The following ADGRL3 variants were observed in gnomAD, a reference collection of about 807,000 sequenced individuals.
The protein encoded by ADGRL3 is calcium-independent alpha-latrotoxin receptor 3.
In ADGRL3, 62 loss-of-function variants were observed where a neutral mutation model predicts 153.5. The ratio of observed to expected loss-of-function variants is 0.40; its 90% CI spans 0.33 to 0.50. ADGRL3 has a LOEUF of 0.50. ADGRL3 is among the 20% of genes least tolerant of loss of function. The pLI is 0.47. For missense variants in ADGRL3, 1,641 were observed against 1,859.4 expected (o/e 0.88, Z 2.16); for synonymous variants, 710 against 672.5 (o/e 1.06, Z -0.86).
At chr4:62,055,771 G>A (rs1296134824) in intron 25 of ADGRL3, among the ~76,000 whole-genome samples, 1 of 151,524 alleles carries the variant, frequency 6.6e-6, no homozygotes, top group African/African-American at 2.4e-5. Context: ...ACTTTCTGTA[G>A]ATTGTTTATG....
At chr4:61,614,224 C>T (rs563832471) in intron 5 of ADGRL3, among the ~76,000 whole-genome samples, 1 of 152,200 alleles carries the variant, frequency 6.6e-6, no homozygotes, top group East Asian at 1.9e-4. Context: ...CAATACAGAC[C>T]TCTCACTAAT....
intron 1 of ADGRL3, among the ~76,000 whole-genome samples, chr4:61,249,345 G>A (rs1758312835): frequency 6.6e-6 from 1 of 152,080 alleles, no homozygotes; most frequent in South Asian, 2.1e-4. Context: ...ACATTTCTCT[G>A]TCTTGGAAAA....
intron 1 of ADGRL3, among the ~76,000 whole-genome samples, chr4:61,203,199 T>A (rs997555951): frequency 5.9e-5 from 9 of 152,192 alleles, no homozygotes; most frequent in Non-Finnish European, 1.0e-4. Flanking sequence ...CTGGCCACTT[T>A]CCTACCTCTG....
rs1444199359 is a variant in ADGRL3 at position 61,517,367 on chromosome 4, T to C, written c.108T>C (p.Ala36=). Residue 36 remains alanine, a synonymous_variant, in exon 4 of 27, where the codon GCT becomes GCC. Coordinates refer to ENST00000683033, the MANE Select transcript of ADGRL3 (RefSeq NM_001387552.1). ...HPALAAPLRH[A]ERSPGGALPP... The stretch of plus-strand genomic sequence containing the variant: ...CCCTTGCTGCTCCATTGCGACACGC[T>C]GAGCGCAGCCCAGGAGGCGCTCTTC... The C allele has an allele frequency of 1.4e-6, 1 of 707,232 alleles. No individual in the cohort carries two copies. Among genetic ancestry groups the C allele is most frequent in the Non-Finnish European group, 2.6e-6 (1 of 389,096 alleles). 43.8% of individuals were successfully genotyped at this position (707,232 alleles called of 1,614,324 possible). A position where few individuals can be genotyped will look rare whatever the true frequency, so the allele number is the denominator to read the frequency against.
intron 1 of ADGRL3, among the ~76,000 whole-genome samples, chr4:61,270,858 T>C (rs1447548972): frequency 2.6e-5 from 4 of 151,724 alleles, no homozygotes; most frequent in Non-Finnish European, 4.4e-5. Flanking sequence ...GACCTGATAC[T>C]GTTGTTTTCT....
intron 2 of ADGRL3, among the ~76,000 whole-genome samples, chr4:61,440,094 G>A (rs1010987247): frequency 2.0e-5 from 3 of 151,712 alleles, no homozygotes; most frequent in African/African-American, 7.3e-5. Flanking sequence ...TGTCACTCAG[G>A]CTGAAGTACA....
intron 4 of ADGRL3, among the ~76,000 whole-genome samples, chr4:61,526,944 T>G (rs1454416378): frequency 6.6e-6 from 1 of 152,110 alleles, no homozygotes; most frequent in African/African-American, 2.4e-5. Context: ...AAAAGTCATT[T>G]TAAAATTCAA....
chr4:61,769,687 G>T (rs1161544346), intron 8 of ADGRL3, among the ~76,000 whole-genome samples: 4 of 151,822 alleles, frequency 2.6e-5, no homozygotes, highest in African/African-American at 9.7e-5. Context: ...TAGGATTTGG[G>T]TAGGTAAAGG....
At chr4:61,843,153 C>T (rs1426804346) in intron 9 of ADGRL3, among the ~76,000 whole-genome samples, 2 of 152,114 alleles carry the variant, frequency 1.3e-5, no homozygotes, top group Non-Finnish European at 2.9e-5. Flanking sequence ...CTGATTCACT[C>T]CTCATACTAT....
intron 1 of ADGRL3, among the ~76,000 whole-genome samples, chr4:61,264,033 G>T (rs2092704381): frequency 6.6e-6 from 1 of 151,856 alleles, no homozygotes; most frequent in Admixed American, 6.6e-5. Flanking sequence ...TAGATTTTCA[G>T]GAAGTTTTCT....
intron 8 of ADGRL3, among the ~76,000 whole-genome samples, chr4:61,779,874 A>C (rs925909907): frequency 6.6e-6 from 1 of 152,042 alleles, no homozygotes; most frequent in Admixed American, 6.6e-5. Flanking sequence ...AGGCTATATA[A>C]ATCACCCCGG....
chr4:61,832,517 A>G (rs2097883493), intron 9 of ADGRL3, among the ~76,000 whole-genome samples: 1 of 152,194 alleles, frequency 6.6e-6, no homozygotes, highest in African/African-American at 2.4e-5. Flanking sequence ...CAGTGCTTCC[A>G]GAAAGACCAT....
chr4:61,631,872 C>T (rs1368510173), intron 5 of ADGRL3, among the ~76,000 whole-genome samples: 4 of 151,412 alleles, frequency 2.6e-5, no homozygotes, highest in African/African-American at 9.8e-5. Context: ...CGTGATCTGC[C>T]CCCCTCAGCC....
chr4:61,457,879 T>C (rs899613958), intron 2 of ADGRL3, among the ~76,000 whole-genome samples: 22 of 151,778 alleles, frequency 1.4e-4, no homozygotes, highest in African/African-American at 5.3e-4. Context: ...GATAGATAGA[T>C]AGATAGATAG....
At chr4:61,491,886 T>G (rs1053165368) in intron 2 of ADGRL3, among the ~76,000 whole-genome samples, 1 of 152,188 alleles carries the variant, frequency 6.6e-6, no homozygotes, top group African/African-American at 2.4e-5. Context: ...CCAAAATGGT[T>G]TTAAATTTTT....
intron 5 of ADGRL3, among the ~76,000 whole-genome samples, chr4:61,642,886 C>T (rs1388339584): frequency 2.6e-5 from 4 of 152,232 alleles, no homozygotes; most frequent in African/African-American, 9.6e-5. Context: ...GGCAGTATGG[C>T]CATTTTCACG....
intron 5 of ADGRL3, among the ~76,000 whole-genome samples, chr4:61,645,660 T>G (rs564068345): frequency 7.1e-4 from 108 of 152,338 alleles, no homozygotes; most frequent in Admixed American, 2.5e-3. Flanking sequence ...GATCCACTGT[T>G]AGTCTGATGG....
intron 21 of ADGRL3, among the ~76,000 whole-genome samples, chr4:62,018,710 C>T (rs557808369): frequency 6.6e-6 from 1 of 152,234 alleles, no homozygotes; most frequent in South Asian, 2.1e-4. Context: ...GACCTCATTG[C>T]CCCAGCTTTC....
At chr4:62,012,788 A>C (rs1203537390) in intron 21 of ADGRL3, among the ~76,000 whole-genome samples, 1 of 152,172 alleles carries the variant, frequency 6.6e-6, no homozygotes, top group African/African-American at 2.4e-5. Context: ...ATGAACTATA[A>C]AATCTGGCCA....
Sources: gnomAD v4.1 joint callset for allele counts (sites outside exome capture counted in the v4.1 genomes callset) on GRCh38, gnomAD v4.1.1 for gene constraint, MANE v1.5 for transcripts, NCBI Gene and HGNC (gene_info 2026-07-23, HGNC 2026-07-21) for gene names.